Variants in CTNNA3 observed in about 807,000 individuals in gnomAD.
The protein encoded by CTNNA3 is catenin alpha 3, also known as catenin alpha-3.
A neutral mutation model predicts 95.7 loss-of-function variants in CTNNA3; 76 were observed. The ratio of observed to expected loss-of-function variants is 0.79; its 90% CI spans 0.66 to 0.96. The LOEUF (loss-of-function observed/expected upper bound fraction) is 0.96. Ranked by LOEUF, CTNNA3 falls within the 40% of genes least tolerant of loss-of-function variation. CTNNA3 has a pLI of 0.00. For missense variants in CTNNA3, 1,191 were observed against 1,089.8 expected, an observed-to-expected ratio of 1.09 and a Z score of -1.31; for synonymous variants, 431 against 374.4, an observed-to-expected ratio of 1.15 and a Z score of -1.74.
intron 5 of CTNNA3, among the ~76,000 whole-genome samples, chr10:67,321,686 T>C (rs1041233332): frequency 3.3e-5 from 5 of 152,306 alleles, no homozygotes; most frequent in Non-Finnish European, 7.4e-5. Flanking sequence ...TTAAATATCA[T>C]CTCTAAGCTG....
At chr10:66,883,071 G>T (rs1181809791) in intron 7 of CTNNA3, among the ~76,000 whole-genome samples, 2 of 152,022 alleles carry the variant, frequency 1.3e-5, no homozygotes, top group Non-Finnish European at 2.9e-5. Flanking sequence ...CCATGTTTTA[G>T]AACTACTGCC....
At chr10:67,014,773 A>G (rs879762055) in intron 7 of CTNNA3, among the ~76,000 whole-genome samples, 24 of 151,764 alleles carry the variant, frequency 1.6e-4, no homozygotes, top group Non-Finnish European at 2.2e-4. Context: ...CATTTATCAG[A>G]AAAAAAACAG....
intron 10 of CTNNA3, among the ~76,000 whole-genome samples, chr10:66,543,112 T>A (rs1043894175): frequency 6.6e-6 from 1 of 152,074 alleles, no homozygotes; most frequent in African/African-American, 2.4e-5. Flanking sequence ...GTTTGTTTGT[T>A]TTTTCTTGCT....
At chr10:67,483,854 T>A (rs769227240) in intron 5 of CTNNA3, among the ~76,000 whole-genome samples, 3 of 149,318 alleles carry the variant, frequency 2.0e-5, no homozygotes, top group Non-Finnish European at 4.4e-5. Flanking sequence ...AAACATTCCA[T>A]GCTCATGGAT....
intron 12 of CTNNA3, among the ~76,000 whole-genome samples, chr10:66,366,349 A>T (rs940227944): frequency 3.9e-5 from 6 of 152,180 alleles, no homozygotes; most frequent in Admixed American, 3.3e-4. Flanking sequence ...GTTCTCTGAG[A>T]AAAAACCATG....
intron 13 of CTNNA3, among the ~76,000 whole-genome samples, chr10:66,162,805 G>A (rs1364048184): frequency 6.6e-6 from 1 of 151,994 alleles, no homozygotes; most frequent in South Asian, 2.1e-4. Context: ...TCCACTACTA[G>A]GGTGAGTAGG....
intron 10 of CTNNA3, among the ~76,000 whole-genome samples, chr10:66,526,106 T>C (rs181907372): frequency 1.3e-5 from 2 of 152,302 alleles, no homozygotes; most frequent in East Asian, 3.9e-4. Context: ...AATGCTGTTA[T>C]GACCATTGTT....
chr10:67,210,439 C>G (rs550303035), intron 6 of CTNNA3, among the ~76,000 whole-genome samples: 1 of 152,120 alleles, frequency 6.6e-6, no homozygotes, highest in African/African-American at 2.4e-5. Flanking sequence ...AAAAAGAAGA[C>G]ACATGTTCCT....
chr10:66,721,138 G>A (rs1023527652), intron 9 of CTNNA3, among the ~76,000 whole-genome samples: 1 of 152,172 alleles, frequency 6.6e-6, no homozygotes, highest in Admixed American at 6.5e-5. Context: ...TAGAGTGAGA[G>A]TTCAGATACT....
At chr10:66,778,678 T>TA (rs112869994) in intron 7 of CTNNA3, among the ~76,000 whole-genome samples, 14,700 of 148,626 alleles carry the variant, frequency 0.099, 815 homozygotes, top group Non-Finnish European at 0.13. Flanking sequence ...AAGACTTTAT[T>TA]AAAAAAAAAA....
At chr10:66,967,991 T>A (rs974259624) in intron 7 of CTNNA3, among the ~76,000 whole-genome samples, 1 of 152,214 alleles carries the variant, frequency 6.6e-6, no homozygotes, top group African/African-American at 2.4e-5. Flanking sequence ...ATTGGATTTG[T>A]CCTCTTTATA....
intron 14 of CTNNA3, among the ~76,000 whole-genome samples, chr10:66,102,456 A>T (rs2081674983): frequency 6.6e-6 from 1 of 152,156 alleles, no homozygotes; most frequent in African/African-American, 2.4e-5. Context: ...GACTTTCCCA[A>T]GTAACACTCC....
At chr10:66,601,286 A>G (rs1438344120) in intron 10 of CTNNA3, among the ~76,000 whole-genome samples, 2 of 151,988 alleles carry the variant, frequency 1.3e-5, no homozygotes, top group African/African-American at 4.8e-5. Flanking sequence ...TTGAAAAAAA[A>G]GTAGTTTATT....
chr10:66,693,482 C>A (rs78023428), intron 9 of CTNNA3, among the ~76,000 whole-genome samples: 24,030 of 146,986 alleles, frequency 0.16, 2,523 homozygotes, highest in East Asian at 0.31. Flanking sequence ...TGACCTACAA[C>A]GAGACTTAGA....
intron 13 of CTNNA3, among the ~76,000 whole-genome samples, chr10:66,256,759 G>A (rs900818847): frequency 3.3e-5 from 5 of 151,320 alleles, no homozygotes; most frequent in East Asian, 1.9e-4. Flanking sequence ...AAAAAATGCC[G>A]TCGCCAACTA....
intron 14 of CTNNA3, among the ~76,000 whole-genome samples, chr10:66,078,591 C>T (rs1158940702): frequency 1.3e-5 from 2 of 151,884 alleles, no homozygotes; most frequent in Non-Finnish European, 2.9e-5. Context: ...TCATACTTAA[C>T]ACTCAACTGA....
intron 17 of CTNNA3, among the ~76,000 whole-genome samples, chr10:65,934,781 C>G (rs967771134): frequency 6.6e-6 from 1 of 151,920 alleles, no homozygotes; most frequent in Admixed American, 6.6e-5. Context: ...AAGGAAAGCC[C>G]CTTTAATAAG....
At chr10:66,932,445 A>C (rs779366130) in intron 7 of CTNNA3, among the ~76,000 whole-genome samples, 6 of 152,188 alleles carry the variant, frequency 3.9e-5, no homozygotes, top group Non-Finnish European at 5.9e-5. Context: ...GAAATAAAAA[A>C]TTCAGAATCT....
At chr10:66,559,642 G>A (rs566284252) in intron 10 of CTNNA3, among the ~76,000 whole-genome samples, 5 of 151,840 alleles carry the variant, frequency 3.3e-5, no homozygotes, top group South Asian at 4.2e-4. Context: ...TGCACCCCCC[G>A]CTCGGGTATC....
Sources: gnomAD v4.1 joint callset for allele counts (sites outside exome capture counted in the v4.1 genomes callset) on GRCh38, gnomAD v4.1.1 for gene constraint, MANE v1.5 for transcripts, NCBI Gene and HGNC (gene_info 2026-07-23, HGNC 2026-07-21) for gene names.